ABTB2: variants seen among roughly 807,000 people sequenced by gnomAD.
ABTB2 encodes the protein ankyrin repeat and BTB domain containing 2, also known as ankyrin repeat and BTB/POZ domain-containing protein 2.
A neutral mutation model predicts 104.1 loss-of-function variants in ABTB2; 56 were observed. The observed-to-expected ratio is 0.54, with a 90% CI of 0.43 to 0.67. The LOEUF (loss-of-function observed/expected upper bound fraction) is 0.67. Ranked by LOEUF, ABTB2 falls within the 30% of genes least tolerant of loss-of-function variation. The pLI is 0.00. For synonymous variants in ABTB2, 606 were observed against 608.2 expected (o/e 1.00, Z 0.05); for missense variants, 1,279 against 1,407.7 (o/e 0.91, Z 1.46).
intron 1 of ABTB2, among the ~76,000 whole-genome samples, chr11:34,211,132 G>A (rs1399333039): frequency 2.6e-5 from 4 of 152,092 alleles, no homozygotes; most frequent in Non-Finnish European, 5.9e-5. Context: ...GTTTTGAGAC[G>A]AGGTTTTATT....
In ABTB2 at chr11:34,187,087, G is replaced by A. The variant is rs535820513; in HGVS notation, c.1244+10238C>T. 2.4e-4 allele frequency among the ~76,000 whole-genome samples: 37 copies of A among 152,296 alleles called. No individual in the cohort carries two copies. In the South Asian group the frequency reaches 7.7e-3, roughly 32 times the overall value. On this transcript the variant is annotated intron_variant, in intron 3 of 16. Coordinates refer to ENST00000435224, the MANE Select transcript of ABTB2 (RefSeq NM_145804.3). ...TCGGACCTCCTCAAGGCCTCAGTCT[G>A]CTCGCTATAAATGGGAATGTAATAG...
chr11:34,249,208 C>G (rs902771547), intron 1 of ABTB2, among the ~76,000 whole-genome samples: 1 of 152,180 alleles, frequency 6.6e-6, no homozygotes, highest in African/African-American at 2.4e-5. Flanking sequence ...GAATGCGCAG[C>G]CTTGAGGGGA....
intron 2 of ABTB2, among the ~76,000 whole-genome samples, chr11:34,198,458 A>AC (rs1292822894): frequency 6.7e-6 from 1 of 149,318 alleles, no homozygotes; most frequent in Non-Finnish European, 1.5e-5. Context: ...CAACAACAAA[A>AC]AAAAACAAAA....
chr11:34,328,352 CA>C (rs1293102020), intron 1 of ABTB2, among the ~76,000 whole-genome samples: 2 of 152,182 alleles, frequency 1.3e-5, no homozygotes, highest in Non-Finnish European at 2.9e-5. Context: ...GTGAGGGACG[CA>C]GGCTTTGCAG....
At chr11:34,211,857 CCAGCCTGGGCGACA>C (rs1853484028) in intron 1 of ABTB2, among the ~76,000 whole-genome samples, 1 of 147,666 alleles carries the variant, frequency 6.8e-6, no homozygotes, top group African/African-American at 2.5e-5. Context: ...CCACTGCACT[CCAGCCTGGGCGACA>C]CAGCCTGGGT....
chr11:34,312,958 C>T (rs1854876390), intron 1 of ABTB2, among the ~76,000 whole-genome samples: 1 of 151,986 alleles, frequency 6.6e-6, no homozygotes, highest in African/African-American at 2.4e-5. Context: ...GCCTGAAACA[C>T]AGGCCTAAAT....
chr11:34,324,645 A>G (rs1288718923), intron 1 of ABTB2, among the ~76,000 whole-genome samples: 1 of 152,246 alleles, frequency 6.6e-6, no homozygotes, highest in Non-Finnish European at 1.5e-5. Flanking sequence ...ATCAGCCTCC[A>G]GGAGGTTATT....
intron 1 of ABTB2, among the ~76,000 whole-genome samples, chr11:34,279,787 C>CTTTT (rs397849748): frequency 6.2e-5 from 8 of 129,532 alleles, no homozygotes; most frequent in South Asian, 2.5e-4. Flanking sequence ...CTTTCTTCTT[C>CTTTT]TTTTTTTTTT....
chr11:34,269,911 A>AC (rs1422045916), intron 1 of ABTB2, among the ~76,000 whole-genome samples: 1 of 152,138 alleles, frequency 6.6e-6, no homozygotes, highest in African/African-American at 2.4e-5. Context: ...CCTCTCATCC[A>AC]CCCTGTTGGT....
At chr11:34,239,263 T>G (rs972095946) in intron 1 of ABTB2, among the ~76,000 whole-genome samples, 1 of 152,178 alleles carries the variant, frequency 6.6e-6, no homozygotes, top group Non-Finnish European at 1.5e-5. Flanking sequence ...TGCGCCCACC[T>G]CTGAGCTTGT....
chr11:34,201,873 T>C lies in ABTB2; in HGVS notation c.1030+2671A>G, dbSNP rs1028329767. Among the ~76,000 whole-genome samples, 4 of 152,106 alleles carry C rather than the reference T, an allele frequency of 2.6e-5. No individual in the cohort carries two copies. The South Asian group carries it at 8.3e-4, about 31-fold the overall frequency. On this transcript the variant is annotated intron_variant, in intron 2 of 16. Transcript: ENST00000435224. The stretch of plus-strand genomic sequence containing the variant: ...GTGGCTGGGCCAGGATGTGGACAAA[T>C]CCTAGGCGAGTTTTAGGAGAAAAGA...
intron 1 of ABTB2, among the ~76,000 whole-genome samples, chr11:34,294,804 T>G (rs1386898243): frequency 2.0e-5 from 3 of 150,968 alleles, no homozygotes; most frequent in African/African-American, 7.3e-5. Flanking sequence ...AACCTCCACC[T>G]CCCGGGTTCA....
At chr11:34,201,654 C>T (rs570276160) in intron 2 of ABTB2, among the ~76,000 whole-genome samples, 1 of 152,278 alleles carries the variant, frequency 6.6e-6, no homozygotes, top group South Asian at 2.1e-4. Context: ...TATCACTAGC[C>T]TCATTAAGTT....
chr11:34,191,941 C>T (rs1007566501), intron 3 of ABTB2, among the ~76,000 whole-genome samples: 3 of 152,324 alleles, frequency 2.0e-5, no homozygotes, highest in South Asian at 4.1e-4. Flanking sequence ...CTGATACAAA[C>T]CATCGTGCTG....
chr11:34,171,752 T>A (rs1852877001), intron 4 of ABTB2, among the ~76,000 whole-genome samples: 1 of 152,006 alleles, frequency 6.6e-6, no homozygotes, highest in Admixed American at 6.6e-5. Context: ...TTGAGCAGGC[T>A]GCACTCAGCC....
chr11:34,195,086 A>AGGGGGGG (rs1442576699), intron 3 of ABTB2, among the ~76,000 whole-genome samples: 1 of 38,066 alleles, frequency 2.6e-5, no homozygotes, highest in Non-Finnish European at 6.8e-5. Context: ...GGGGGGGGGG[A>AGGGGGGG]GTGGGGGCGG....
At chr11:34,161,684 C>T (rs1487794489) in intron 10 of ABTB2, among the ~76,000 whole-genome samples, 1 of 152,180 alleles carries the variant, frequency 6.6e-6, no homozygotes, top group Non-Finnish European at 1.5e-5. Context: ...CAGCATGTGT[C>T]AGTGGGGCTG....
At chr11:34,321,361 A>AC (rs1278171475) in intron 1 of ABTB2, among the ~76,000 whole-genome samples, 2 of 152,222 alleles carry the variant, frequency 1.3e-5, no homozygotes, top group Non-Finnish European at 2.9e-5. Context: ...AGAAATATTC[A>AC]CCAACCAATT....
rs568946612 is a variant in ABTB2, at chr11:34,332,449, C to T, written c.883+24252G>A. Among the ~76,000 whole-genome samples the T allele has an allele frequency of 6.6e-5, 10 of 152,332 alleles. 1 individual carries two copies. Among genetic ancestry groups the T allele is most frequent in the African/African-American group, 2.4e-4 (10 of 41,578 alleles). ...TCCGAAAATGTAACCCCCACACTCA[C>T]ACTCAGGGTATTATGCACCCATCCA... On this transcript the variant is annotated intron_variant, in intron 1 of 16. Coordinates refer to ENST00000435224, the MANE Select transcript of ABTB2 (RefSeq NM_145804.3).
Sources: allele counts gnomAD v4.1 joint callset (sites outside exome capture counted in the v4.1 genomes callset), GRCh38; gene constraint gnomAD v4.1.1; transcripts MANE v1.5; gene names NCBI Gene and HGNC (gene_info 2026-07-23, HGNC 2026-07-21).